Variants in DOCK9 observed in about 807,000 individuals in gnomAD.
DOCK9 encodes dedicator of cytokinesis 9, also known as dedicator of cytokinesis protein 9.
Under a neutral mutation model 263.3 loss-of-function variants are expected in DOCK9, and 89 were observed. That is an observed-to-expected ratio of 0.34 (90% CI 0.28 to 0.40). The LOEUF (loss-of-function observed/expected upper bound fraction) is 0.40, where lower values mean the gene tolerates loss of function less well. DOCK9 is among the 10% of genes least tolerant of loss of function. DOCK9 has a pLI of 1.00. For missense variants in DOCK9, 2,140 were observed against 2,603.4 expected (o/e 0.82, Z 3.87); for synonymous variants, 976 against 973.1 (o/e 1.00, Z -0.06).
intron 1 of DOCK9, among the ~76,000 whole-genome samples, chr13:98,993,594 G>C (rs1330631721): frequency 5.3e-5 from 8 of 152,134 alleles, no homozygotes; most frequent in Admixed American, 5.2e-4. Context: ...GTCTTCACTA[G>C]GAATACTTCC....
Position 98,961,645 on chromosome 13 carries a change from C to G in DOCK9, c.127-6094G>C, listed in dbSNP as rs1313418468. Among the ~76,000 whole-genome samples, 3 of 152,192 alleles carry G rather than the reference C, an allele frequency of 2.0e-5. No homozygotes were observed. In the East Asian group the frequency reaches 5.8e-4, roughly 29 times the overall value. ...CATGACAGTCCTCGGCTTGCTGTGACCTGCAAACACTCAGCTCCACTATCA... is the reference window on the plus strand; with the variant it reads ...CATGACAGTCCTCGGCTTGCTGTGAGCTGCAAACACTCAGCTCCACTATCA... On this transcript the variant is annotated intron_variant, in intron 1 of 52. Transcript: ENST00000682017.
At chr13:98,898,130 C>A in intron 14 of DOCK9, 49 bp downstream of exon 14, 1 of 1,342,578 alleles carries the variant, frequency 7.4e-7, no homozygotes, top group Non-Finnish European at 1.1e-6. Context: ...ATTGACCCAT[C>A]CATGCACCTA....
chr13:98,797,102 G>A lies in DOCK9; in HGVS notation c.6156+13C>T. ...CAAGAACTCCAAGTTGTTGGAGCCA[G>A]TGCGGCCCTCACCTGCTCATGCATG... On this transcript the variant is annotated intron_variant, in intron 52 of 52. Coordinates refer to ENST00000682017, the MANE Select transcript of DOCK9 (RefSeq NM_001366683.2). 1 of 1,613,960 alleles carries A rather than the reference G, an allele frequency of 6.2e-7. No homozygotes were observed. The highest frequency in any genetic ancestry group is 8.5e-7 in the Non-Finnish European group (1 of 1,179,874).
chr13:99,042,590 G>A (rs1016704149), intron 1 of DOCK9, among the ~76,000 whole-genome samples: 1 of 152,204 alleles, frequency 6.6e-6, no homozygotes, highest in Non-Finnish European at 1.5e-5. Flanking sequence ...ATCTGGTGTA[G>A]GGGCCAGCAA....
At chr13:98,924,293 A>G (rs906491645) in intron 4 of DOCK9, among the ~76,000 whole-genome samples, 1 of 152,254 alleles carries the variant, frequency 6.6e-6, no homozygotes, top group Non-Finnish European at 1.5e-5. Context: ...AGGAGTGGCA[A>G]AGCCACACAA....
chr13:98,967,643 G>A (rs1455822092), intron 1 of DOCK9, among the ~76,000 whole-genome samples: 1 of 152,150 alleles, frequency 6.6e-6, no homozygotes, highest in Non-Finnish European at 1.5e-5. Flanking sequence ...CTCCACACGA[G>A]GATGCTTCAG....
At chr13:98,981,054 G>GTTTTTT (rs1291190944), upstream of DOCK9, among the ~76,000 whole-genome samples, 1 of 143,874 alleles carries the variant, frequency 7.0e-6, no homozygotes, top group African/African-American at 2.5e-5. Context: ...CAAGTAATTT[G>GTTTTTT]TTTTTTGTTT....
intron 1 of DOCK9, among the ~76,000 whole-genome samples, chr13:98,958,907 C>T (rs1413565121): frequency 6.6e-6 from 1 of 152,152 alleles, no homozygotes; most frequent in African/African-American, 2.4e-5. Flanking sequence ...GTATTTAGGG[C>T]ACCAAATAAT....
At chr13:98,890,531 AAC>A (rs1160646561) in intron 15 of DOCK9, among the ~76,000 whole-genome samples, 4 of 152,210 alleles carry the variant, frequency 2.6e-5, no homozygotes, top group Non-Finnish European at 5.9e-5. Flanking sequence ...AGTCTTAGGA[AAC>A]ACAATGCCGC....
chr13:99,002,687 G>C lies in DOCK9; in HGVS notation c.130-47136C>G, dbSNP rs1360120325. ...TTTCTCACTCTTCCACTGTCGTGGG[G>C]TTTGCTCATTTCTGAGAACTTTTCC... On this transcript the variant is annotated intron_variant, in intron 1 of 32. Coordinates refer to the DOCK9 transcript ENST00000427887. 2.0e-5 allele frequency among the ~76,000 whole-genome samples: 3 copies of C among 152,178 alleles called. No individual in the cohort carries two copies. The East Asian group carries it at 5.8e-4, about 29-fold the overall frequency.
Position 98,921,038 on chromosome 13 carries a change from A to G in DOCK9, c.633T>C (p.Tyr211=), listed in dbSNP as rs536020313. 40 of 1,601,974 alleles carry G rather than the reference A, an allele frequency of 2.5e-5. No individual in the cohort carries two copies. Among genetic ancestry groups the G allele is most frequent in the Admixed American group, 8.6e-5 (5 of 58,456 alleles). The change falls in exon 7 of 53, where the codon TAT becomes TAC. Residue 211 remains tyrosine, a synonymous_variant. Coordinates refer to ENST00000682017, the MANE Select transcript of DOCK9 (RefSeq NM_001366683.2). ...FHLIQLGDGS[Y]NLNFYKDEKI... is the part of the protein sequence containing the mutation. ...TTTCATCTTTATAAAAATTCAAATT[A>G]TAGGATCCATCGCCAAGTTGAATCA...
intron 2 of DOCK9, among the ~76,000 whole-genome samples, chr13:98,938,717 T>G (rs2055313798): frequency 6.6e-6 from 1 of 152,224 alleles, no homozygotes; most frequent in Non-Finnish European, 1.5e-5. Flanking sequence ...TGGATTTTTT[T>G]TATCAATTAC....
In DOCK9 at chr13:98,831,539, G is replaced by C; in HGVS notation, c.4453-9C>G. 1 of 1,585,528 alleles carries C rather than the reference G, an allele frequency of 6.3e-7. No individual in the cohort carries two copies. Among genetic ancestry groups the C allele is most frequent in the Non-Finnish European group, 8.6e-7 (1 of 1,164,848 alleles). ...TAGAATGTTGAGGGAAACTAGACAG[G>C]ATGAGAGGAAGCAGCAGATAAACCA... On this transcript the variant is annotated splice_polypyrimidine_tract_variant and intron_variant, in intron 40 of 52. Coordinates refer to ENST00000682017, the MANE Select transcript of DOCK9 (RefSeq NM_001366683.2).
chr13:99,045,778 AAAAACAAAAC>A (rs772142885), intron 1 of DOCK9, among the ~76,000 whole-genome samples: 3 of 152,038 alleles, frequency 2.0e-5, no homozygotes, highest in Non-Finnish European at 2.9e-5. Flanking sequence ...TCATCTTTTT[AAAAACAAAAC>A]AAAACAAAAC....
At chr13:98,795,878 C>T (rs2139752630) in intron 52 of DOCK9, among the ~76,000 whole-genome samples, 1 of 152,072 alleles carries the variant, frequency 6.6e-6, no homozygotes, top group Admixed American at 6.5e-5. Flanking sequence ...CCTGCCTCAG[C>T]CTCCCGAGTA....
At chr13:99,043,329 A>G (rs555843541) in intron 1 of DOCK9, among the ~76,000 whole-genome samples, 27 of 152,324 alleles carry the variant, frequency 1.8e-4, no homozygotes, top group Non-Finnish European at 3.1e-4. Flanking sequence ...GGCCCTGAAG[A>G]CAGCCCACTC....
Position 99,023,164 on chromosome 13 carries a change from C to T in DOCK9, c.129+63059G>A, listed in dbSNP as rs527786922. Among the ~76,000 whole-genome samples, 9 of 152,312 alleles carry T rather than the reference C, an allele frequency of 5.9e-5. No individual in the cohort carries two copies. In the East Asian group the frequency reaches 1.7e-3, roughly 29 times the overall value. On this transcript the variant is annotated intron_variant, in intron 1 of 32. Transcript: ENST00000427887. ...ACTTGAAGAGAGATGTGCACACCCA[C>T]GTTCATAGGCAGCATTATTCACAAT... is the stretch of plus-strand genomic sequence containing the variant.
At chr13:99,074,948 C>T (rs1373286855) in intron 1 of DOCK9, among the ~76,000 whole-genome samples, 3 of 152,166 alleles carry the variant, frequency 2.0e-5, no homozygotes, top group Admixed American at 6.5e-5. Flanking sequence ...ACAAAAGCTA[C>T]AGGAGGTGGC....
chr13:98,885,538 A>T, intron 20 of DOCK9, 170 bp downstream of exon 20: 3 of 626,912 alleles, frequency 4.8e-6, no homozygotes, highest in South Asian at 6.0e-5. Flanking sequence ...TCAAAAATTA[A>T]AAAAAAAAAA....
Sources: allele counts gnomAD v4.1 joint callset (sites outside exome capture counted in the v4.1 genomes callset), GRCh38; gene constraint gnomAD v4.1.1; transcripts MANE v1.5; gene names NCBI Gene and HGNC (gene_info 2026-07-23, HGNC 2026-07-21).